Variants in GRK5 observed in about 807,000 individuals in gnomAD.
The protein encoded by GRK5 is G protein-coupled receptor kinase 5, also known as g protein-coupled receptor kinase GRK5.
A neutral mutation model predicts 78.4 loss-of-function variants in GRK5; 40 were observed. That is an observed-to-expected ratio of 0.51 (90% CI 0.40 to 0.66). GRK5 has a LOEUF of 0.66. GRK5 is among the 30% of genes least tolerant of loss of function. GRK5 has a pLI of 0.00. For synonymous variants in GRK5, 289 were observed against 296.8 expected, an observed-to-expected ratio of 0.97 and a Z score of 0.27; for missense variants, 598 against 759.9, an observed-to-expected ratio of 0.79 and a Z score of 2.50.
chr10:119,416,734 C>T (rs539083401), intron 4 of GRK5, among the ~76,000 whole-genome samples: 1 of 152,312 alleles, frequency 6.6e-6, no homozygotes, highest in Non-Finnish European at 1.5e-5. Flanking sequence ...GCTGGGACTA[C>T]AGGCGCATGC....
intron 13 of GRK5, among the ~76,000 whole-genome samples, chr10:119,448,925 G>A (rs1853215681): frequency 6.6e-6 from 1 of 152,246 alleles, no homozygotes; most frequent in African/African-American, 2.4e-5. Context: ...GAGGCTGGGT[G>A]ATCTGTGCGG....
At chr10:119,366,013 G>A (rs1161571727) in intron 2 of GRK5, among the ~76,000 whole-genome samples, 1 of 152,218 alleles carries the variant, frequency 6.6e-6, no homozygotes, top group East Asian at 1.9e-4. Context: ...GTGCCAACAT[G>A]TGCAGGGAAC....
chr10:119,380,758 A>G (rs1220594042), intron 2 of GRK5, 57 bp from the exon 3 acceptor site: 1 of 1,072,342 alleles, frequency 9.3e-7, no homozygotes, highest in Non-Finnish European at 1.4e-6. Flanking sequence ...GAATGACAGG[A>G]AGGCCCTGCC....
At chr10:119,406,733 A>G (rs1022689250) in intron 4 of GRK5, among the ~76,000 whole-genome samples, 6 of 152,166 alleles carry the variant, frequency 3.9e-5, no homozygotes, top group Non-Finnish European at 7.4e-5. Context: ...TGGAGGGCGG[A>G]AGAGGATTGA....
chr10:119,424,747 G>A (rs1852638807), intron 5 of GRK5, among the ~76,000 whole-genome samples: 1 of 152,070 alleles, frequency 6.6e-6, no homozygotes, highest in African/African-American at 2.4e-5. Flanking sequence ...CCAACCCCTT[G>A]CTCCCAGCTA....
At chr10:119,213,470 C>T (rs756247309) in intron 1 of GRK5, among the ~76,000 whole-genome samples, 5 of 152,136 alleles carry the variant, frequency 3.3e-5, no homozygotes, top group Non-Finnish European at 5.9e-5. Flanking sequence ...AGTATTGCAC[C>T]ACCGTACTCC....
At chr10:119,440,388 T>G (rs1274298018) in intron 10 of GRK5, among the ~76,000 whole-genome samples, 1 of 148,224 alleles carries the variant, frequency 6.7e-6, no homozygotes, top group Non-Finnish European at 1.5e-5. Flanking sequence ...TATACCTTCT[T>G]TTTTTTTTTT....
At chr10:119,444,394 T>C in intron 12 of GRK5, among the ~76,000 whole-genome samples, 1 of 152,016 alleles carries the variant, frequency 6.6e-6, no homozygotes, top group East Asian at 1.9e-4. Context: ...GTGGGGGATA[T>C]GGGAGTGGAG....
intron 2 of GRK5, among the ~76,000 whole-genome samples, chr10:119,363,649 G>C (rs1339017950): frequency 6.6e-6 from 1 of 152,174 alleles, no homozygotes; most frequent in Non-Finnish European, 1.5e-5. Context: ...CGTTGACATG[G>C]GCCAAGATGG....
chr10:119,385,270 T>G (rs1471208247), intron 3 of GRK5, among the ~76,000 whole-genome samples: 5 of 152,044 alleles, frequency 3.3e-5, no homozygotes, highest in African/African-American at 1.2e-4. Context: ...TTATTTTATT[T>G]TATTTTATTT....
At chr10:119,284,358 C>T (rs537124049) in intron 1 of GRK5, among the ~76,000 whole-genome samples, 1 of 151,842 alleles carries the variant, frequency 6.6e-6, no homozygotes, top group African/African-American at 2.4e-5. Flanking sequence ...AGAAATGTTG[C>T]CTGGGCTGGT....
intron 3 of GRK5, among the ~76,000 whole-genome samples, chr10:119,387,791 G>C (rs1851825284): frequency 6.6e-6 from 1 of 152,158 alleles, no homozygotes; most frequent in Admixed American, 6.5e-5. Flanking sequence ...AGGGATGTTT[G>C]GCAGATATGG....
At chr10:119,367,224 G>A (rs904391986) in intron 2 of GRK5, among the ~76,000 whole-genome samples, 3 of 152,152 alleles carry the variant, frequency 2.0e-5, no homozygotes, top group Non-Finnish European at 4.4e-5. Flanking sequence ...CCGACACCAC[G>A]AGCTAGAATT....
At chr10:119,266,620 G>A (rs530766188) in intron 1 of GRK5, among the ~76,000 whole-genome samples, 21 of 152,166 alleles carry the variant, frequency 1.4e-4, no homozygotes, top group South Asian at 6.2e-4. Flanking sequence ...AAGGGAACCC[G>A]CTGTCTAATC....
Position 119,452,052 on chromosome 10 carries a change from G to A in GRK5, c.1405-619G>A, listed in dbSNP as rs767451423. ...TCCACCCAGGTTCATCTCTGCCCTG[G>A]CATAGAGCAGGCCCCCAGTGCACAG... On this transcript the variant is annotated intron_variant, in intron 13 of 15. Transcript: ENST00000392870. This position sits in a 1 kb window ranked among gnomAD's most constrained non-coding sequence, Gnocchi z 4.4. 3.9e-5 allele frequency among the ~76,000 whole-genome samples: 6 copies of A among 152,294 alleles called. No homozygotes were observed. In the East Asian group the frequency reaches 7.7e-4, roughly 20 times the overall value.
At chr10:119,325,936 G>A (rs1039685320) in intron 1 of GRK5, among the ~76,000 whole-genome samples, 1 of 152,242 alleles carries the variant, frequency 6.6e-6, no homozygotes, top group Non-Finnish European at 1.5e-5. Context: ...GTGAGGCAGG[G>A]CGGGCCCCTC....
chr10:119,247,899 C>G (rs777410048), intron 1 of GRK5, among the ~76,000 whole-genome samples: 58 of 152,242 alleles, frequency 3.8e-4, no homozygotes, highest in Non-Finnish European at 7.2e-4. Flanking sequence ...AAGTCCCCCC[C>G]ACCCTGCCTG....
intron 1 of GRK5, among the ~76,000 whole-genome samples, chr10:119,316,890 C>T (rs1003982189): frequency 5.3e-5 from 8 of 152,172 alleles, no homozygotes; most frequent in South Asian, 2.1e-4. Context: ...GGTGATACCA[C>T]GTGGCCCAAA....
intron 4 of GRK5, among the ~76,000 whole-genome samples, chr10:119,405,801 C>T (rs1356415044): frequency 1.3e-5 from 2 of 152,178 alleles, no homozygotes; most frequent in South Asian, 2.1e-4. Context: ...CTAGCACTTG[C>T]GTGGTTTTGG....
Sources: gnomAD v4.1 joint callset for allele counts (sites outside exome capture counted in the v4.1 genomes callset) on GRCh38, gnomAD v4.1.1 for gene constraint, Gnocchi (gnomAD v3.1) non-coding constraint, MANE v1.5 for transcripts, NCBI Gene and HGNC (gene_info 2026-07-23, HGNC 2026-07-21) for gene names.